The following SGCZ variants were observed in gnomAD, a reference collection of about 807,000 sequenced individuals.
SGCZ encodes the protein sarcoglycan zeta, also known as zeta-sarcoglycan.
Under a neutral mutation model 41.3 loss-of-function variants are expected in SGCZ, and 40 were observed. The observed-to-expected ratio is 0.97, with a 90% confidence interval of 0.75 to 1.26. The LOEUF is 1.26. Among genes scored for constraint, SGCZ ranks in the 50% most tolerant of loss-of-function variants. The pLI is 0.00. For synonymous variants in SGCZ, 206 were observed against 137.5 expected (o/e 1.50, Z -3.49); for missense variants, 552 against 369.8 (o/e 1.49, Z -4.04).
intron 2 of SGCZ, among the ~76,000 whole-genome samples, chr8:14,408,401 C>G (rs1047364774): frequency 1.3e-5 from 2 of 152,060 alleles, no homozygotes; most frequent in East Asian, 1.9e-4. Context: ...TTATTTCCTC[C>G]TCTCGTCCCA....
chr8:14,585,052 C>T (rs138678648), intron 1 of SGCZ, among the ~76,000 whole-genome samples: 221 of 152,188 alleles, frequency 1.5e-3, no homozygotes, highest in African/African-American at 5.1e-3. Context: ...GATGAGGATG[C>T]TTCAAGGTCA....
chr8:14,683,863 C>T (rs907144465), intron 1 of SGCZ, among the ~76,000 whole-genome samples: 1 of 152,066 alleles, frequency 6.6e-6, no homozygotes, highest in African/African-American at 2.4e-5. Context: ...GAAGTTATAT[C>T]CTCTGATACA....
intron 1 of SGCZ, among the ~76,000 whole-genome samples, chr8:14,732,586 A>G (rs1798896593): frequency 6.6e-6 from 1 of 152,150 alleles, no homozygotes; most frequent in South Asian, 2.1e-4. Context: ...TGCAGGTGTA[A>G]TCAGCAAAGC....
intron 7 of SGCZ, among the ~76,000 whole-genome samples, chr8:14,101,480 T>C (rs995545364): frequency 2.3e-4 from 35 of 152,208 alleles, no homozygotes; most frequent in African/African-American, 8.2e-4. Context: ...TGTATACTTA[T>C]CACTTTATAG....
chr8:14,411,122 T>C (rs897603231), intron 2 of SGCZ, among the ~76,000 whole-genome samples: 1 of 152,106 alleles, frequency 6.6e-6, no homozygotes, highest in African/African-American at 2.4e-5. Flanking sequence ...CGCCAACCAA[T>C]GCGTTTTGTT....
intron 1 of SGCZ, among the ~76,000 whole-genome samples, chr8:15,035,936 G>C (rs531267623): frequency 6.6e-6 from 1 of 151,576 alleles, no homozygotes; most frequent in Admixed American, 6.6e-5. Context: ...TACTCAAACA[G>C]AAAATCAATA....
chr8:14,232,634 G>A (rs1419040632), intron 4 of SGCZ, among the ~76,000 whole-genome samples: 1 of 151,544 alleles, frequency 6.6e-6, no homozygotes, highest in East Asian at 1.9e-4. Context: ...TAAGTTTTAG[G>A]GTACAAGTGC....
chr8:14,860,671 GGAAAGAGA>G, intron 1 of SGCZ, among the ~76,000 whole-genome samples: 1 of 133,594 alleles, frequency 7.5e-6, no homozygotes, highest in Non-Finnish European at 1.6e-5. Context: ...AAAGAAAGAG[GGAAAGAGA>G]GAAAGAAAGA....
chr8:14,616,470 A>G (rs1287223760), intron 1 of SGCZ, among the ~76,000 whole-genome samples: 1 of 152,130 alleles, frequency 6.6e-6, no homozygotes, highest in African/African-American at 2.4e-5. Flanking sequence ...ACACAGTAAA[A>G]AAATGTTATT....
intron 2 of SGCZ, among the ~76,000 whole-genome samples, chr8:14,512,865 G>C (rs940770700): frequency 6.6e-6 from 1 of 152,040 alleles, no homozygotes; most frequent in African/African-American, 2.4e-5. Flanking sequence ...TTGAAGATAA[G>C]TCTTCTAGTG....
intron 3 of SGCZ, among the ~76,000 whole-genome samples, chr8:14,254,036 A>C (rs940626775): frequency 1.2e-4 from 18 of 152,180 alleles, no homozygotes; most frequent in African/African-American, 4.3e-4. Flanking sequence ...CTTCTTCCAA[A>C]AAGATATTAA....
At chr8:14,589,545 G>C (rs1805174863) in intron 1 of SGCZ, among the ~76,000 whole-genome samples, 1 of 152,054 alleles carries the variant, frequency 6.6e-6, no homozygotes, top group Non-Finnish European at 1.5e-5. Context: ...TTTCAAAAAT[G>C]AATCTTGAGC....
At chr8:15,067,963 T>C (rs1350692774) in intron 1 of SGCZ, among the ~76,000 whole-genome samples, 2 of 152,202 alleles carry the variant, frequency 1.3e-5, no homozygotes, top group Non-Finnish European at 2.9e-5. Context: ...AAAAGCCATG[T>C]TAATTATGAA....
rs571296341 is a variant in SGCZ at position 15,046,868 on chromosome 8, G to C, written c.39+190717C>G. The stretch of plus-strand genomic sequence containing the variant: ...ATTTGTAACTCTCTTCTTTAACAGT[G>C]AGAAAATATGTCTCCTACTATTCTC... On this transcript the variant is annotated intron_variant, in intron 1 of 7. Transcript: ENST00000382080. 2.0e-5 allele frequency among the ~76,000 whole-genome samples: 3 copies of C among 152,056 alleles called. No homozygotes were observed. In the East Asian group the frequency reaches 5.8e-4, roughly 29 times the overall value.
intron 2 of SGCZ, among the ~76,000 whole-genome samples, chr8:14,421,537 C>A (rs1439289812): frequency 6.6e-6 from 1 of 152,122 alleles, no homozygotes; most frequent in East Asian, 1.9e-4. Flanking sequence ...CATGTCTTAT[C>A]TAAGTCATCT....
chr8:14,694,635 A>G (rs1022108524), intron 1 of SGCZ, among the ~76,000 whole-genome samples: 1 of 152,178 alleles, frequency 6.6e-6, no homozygotes, highest in African/African-American at 2.4e-5. Context: ...TCTCATTTAC[A>G]ATGAACACTC....
At chr8:14,256,849 C>T (rs2117221900) in intron 3 of SGCZ, among the ~76,000 whole-genome samples, 1 of 152,282 alleles carries the variant, frequency 6.6e-6, no homozygotes, top group South Asian at 2.1e-4. Context: ...ACTTTAATTA[C>T]AGCTAAATTA....
intron 4 of SGCZ, among the ~76,000 whole-genome samples, chr8:14,228,031 G>A (rs1806433066): frequency 7.7e-6 from 1 of 129,792 alleles, no homozygotes; most frequent in South Asian, 2.2e-4. Flanking sequence ...TAATACTGAA[G>A]TGAATGATCT....
chr8:14,193,508 G>C (rs2117052213), intron 4 of SGCZ, among the ~76,000 whole-genome samples: 1 of 152,114 alleles, frequency 6.6e-6, no homozygotes, highest in Non-Finnish European at 1.5e-5. Flanking sequence ...AATATGTGAA[G>C]TATAATCTCA....
Sources: gnomAD v4.1 joint callset for allele counts (sites outside exome capture counted in the v4.1 genomes callset) on GRCh38, gnomAD v4.1.1 for gene constraint, MANE v1.5 for transcripts, NCBI Gene and HGNC (gene_info 2026-07-23, HGNC 2026-07-21) for gene names.